The following KCNT2 variants were observed in gnomAD, a reference collection of about 807,000 sequenced individuals.
KCNT2 encodes potassium sodium-activated channel subfamily T member 2, also known as potassium channel subfamily T member 2.
Under a neutral mutation model 153.8 loss-of-function variants are expected in KCNT2, and 67 were observed. That is an observed-to-expected ratio of 0.44 (90% CI 0.36 to 0.53). The LOEUF is 0.53. Ranked by LOEUF, KCNT2 falls within the 20% of genes least tolerant of loss-of-function variation. The probability of loss-of-function intolerance (pLI) is 0.00; values close to 1 mark genes in which losing one functional copy is unlikely to be tolerated. For synonymous variants in KCNT2, 500 were observed against 458.8 expected, an observed-to-expected ratio of 1.09 and a Z score of -1.15; for missense variants, 975 against 1,354.8, an observed-to-expected ratio of 0.72 and a Z score of 4.40.
chr1:196,582,078 G>A (rs1468681751), intron 1 of KCNT2, among the ~76,000 whole-genome samples: 1 of 151,950 alleles, frequency 6.6e-6, no homozygotes, highest in African/African-American at 2.4e-5. Context: ...CTCTCCATAT[G>A]CCAGTACAAC....
intron 1 of KCNT2, among the ~76,000 whole-genome samples, chr1:196,511,972 G>A (rs1681671278): frequency 6.6e-6 from 1 of 152,110 alleles, no homozygotes; most frequent in African/African-American, 2.4e-5. Context: ...TGAAATCACT[G>A]ACTAATTTCT....
In KCNT2 at chr1:196,342,131, C is replaced by CA. The variant is rs1249079077; in HGVS notation, c.1500dup (p.Ala501CysfsTer2). On this transcript the variant is annotated frameshift_variant, in exon 15 of 28. Coordinates refer to ENST00000294725, the MANE Select transcript of KCNT2 (RefSeq NM_198503.5). LOFTEE classifies it high-confidence loss of function. ...GTAAAACTCTTTCCTTCATATTCAGCAAAAAATGTACTTTCTTCCAAAACA... is the reference window on the plus strand; with the variant it reads ...GTAAAACTCTTTCCTTCATATTCAGCAAAAAAATGTACTTTCTTCCAAAACA... 6.2e-7 allele frequency: 1 copy of CA among 1,610,994 alleles called. No individual in the cohort carries two copies. Among genetic ancestry groups the CA allele is most frequent in the African/African-American group, 1.3e-5 (1 of 74,858 alleles).
chr1:196,433,327 C>T (rs558974705), intron 8 of KCNT2, among the ~76,000 whole-genome samples: 2 of 152,020 alleles, frequency 1.3e-5, no homozygotes, highest in African/African-American at 4.8e-5. Flanking sequence ...TTAAAAGAAG[C>T]CAAGTTCTGG....
chr1:196,445,748 G>T (rs1357188578), intron 8 of KCNT2, among the ~76,000 whole-genome samples: 1 of 151,302 alleles, frequency 6.6e-6, no homozygotes, highest in East Asian at 1.9e-4. Flanking sequence ...AGATAATTCT[G>T]TAATATACAA....
chr1:196,338,922 G>A (rs984431437), intron 16 of KCNT2, among the ~76,000 whole-genome samples: 3 of 122,458 alleles, frequency 2.4e-5, no homozygotes, highest in East Asian at 2.4e-4. Flanking sequence ...ACAGATCAAA[G>A]GATAATGGTG....
At chr1:196,372,456 G>A (rs1362085684) in intron 14 of KCNT2, among the ~76,000 whole-genome samples, 3 of 151,708 alleles carry the variant, frequency 2.0e-5, no homozygotes, top group African/African-American at 4.8e-5. Context: ...ATGAAATGAA[G>A]TACATTTGTC....
chr1:196,251,457 T>C (rs1229695124), intron 26 of KCNT2, among the ~76,000 whole-genome samples: 1 of 151,946 alleles, frequency 6.6e-6, no homozygotes, highest in Non-Finnish European at 1.5e-5. Flanking sequence ...TGAAACAATG[T>C]GATGGAACTG....
intron 14 of KCNT2, among the ~76,000 whole-genome samples, chr1:196,351,311 C>T (rs371412271): frequency 7.6e-4 from 115 of 152,214 alleles, no homozygotes; most frequent in East Asian, 4.8e-3. Flanking sequence ...GCCATTTTCA[C>T]GATATTAATT....
chr1:196,358,036 T>A (rs112804005), intron 14 of KCNT2, among the ~76,000 whole-genome samples: 4 of 151,740 alleles, frequency 2.6e-5, no homozygotes, highest in African/African-American at 9.7e-5. Flanking sequence ...CCCTAACAAT[T>A]TACAGGCTTG....
chr1:196,328,450 T>C (rs749605175), intron 18 of KCNT2, among the ~76,000 whole-genome samples: 1 of 151,808 alleles, frequency 6.6e-6, no homozygotes, highest in Non-Finnish European at 1.5e-5. Flanking sequence ...GAAAGAAAAC[T>C]TATTCAAGTA....
intron 8 of KCNT2, among the ~76,000 whole-genome samples, chr1:196,464,801 T>C (rs917927827): frequency 2.0e-5 from 3 of 152,018 alleles, no homozygotes; most frequent in Non-Finnish European, 2.9e-5. Flanking sequence ...GTTTTTATAA[T>C]GAAGTGCCAG....
At chr1:196,240,540 T>C (rs779552959) in intron 26 of KCNT2, among the ~76,000 whole-genome samples, 10 of 152,054 alleles carry the variant, frequency 6.6e-5, no homozygotes, top group Non-Finnish European at 8.8e-5. Context: ...CAATTATATA[T>C]GTATTGCTAT....
At chr1:196,374,845 G>A (rs1482859703) in intron 13 of KCNT2, among the ~76,000 whole-genome samples, 1 of 151,740 alleles carries the variant, frequency 6.6e-6, no homozygotes, top group East Asian at 1.9e-4. Flanking sequence ...TCAAAAATTA[G>A]AACAGATGAT....
intron 1 of KCNT2, among the ~76,000 whole-genome samples, chr1:196,503,001 GAGAAA>G: frequency 6.6e-6 from 1 of 151,728 alleles, no homozygotes; most frequent in Non-Finnish European, 1.5e-5. Context: ...CCATTAAAAA[GAGAAA>G]AGAAAAGAAA....
intron 21 of KCNT2, among the ~76,000 whole-genome samples, chr1:196,310,859 C>T (rs1662107395): frequency 6.6e-6 from 1 of 151,808 alleles, no homozygotes; most frequent in South Asian, 2.1e-4. Flanking sequence ...AAAATTCAGA[C>T]CAACATATGA....
chr1:196,518,478 T>TAAAAAAAAAAAAAAAAAAAAAAAAAAA (rs35962682), intron 1 of KCNT2, among the ~76,000 whole-genome samples: 1 of 126,362 alleles, frequency 7.9e-6, no homozygotes, highest in Non-Finnish European at 1.7e-5. Flanking sequence ...AAGCTGGATT[T>TAAAAAAAAAAAAAAAAAAAAAAAAAAA]AAAAAAAAAA....
chr1:196,600,287 T>C (rs1664575898), intron 1 of KCNT2, among the ~76,000 whole-genome samples: 1 of 152,254 alleles, frequency 6.6e-6, no homozygotes, highest in Admixed American at 6.5e-5. Flanking sequence ...AATATCCCTG[T>C]GTCTTAGGGT....
At chr1:196,458,723 G>A (rs1676895140) in intron 8 of KCNT2, among the ~76,000 whole-genome samples, 1 of 151,902 alleles carries the variant, frequency 6.6e-6, no homozygotes, top group South Asian at 2.1e-4. Context: ...AGGAAATATT[G>A]AGACTGCAAA....
intron 14 of KCNT2, among the ~76,000 whole-genome samples, chr1:196,363,931 G>T (rs1229027884): frequency 6.6e-6 from 1 of 151,998 alleles, no homozygotes; most frequent in Non-Finnish European, 1.5e-5. Context: ...CTGTATTTCT[G>T]TATCTATCTT....
Sources: gnomAD v4.1 joint callset for allele counts (sites outside exome capture counted in the v4.1 genomes callset) on GRCh38, gnomAD v4.1.1 for gene constraint, MANE v1.5 for transcripts, NCBI Gene and HGNC (gene_info 2026-07-23, HGNC 2026-07-21) for gene names.